Variants in PCDHA5 observed in about 807,000 individuals in gnomAD.
The protein encoded by PCDHA5 is protocadherin alpha-5.
Under a neutral mutation model 61.6 loss-of-function variants are expected in PCDHA5, and 43 were observed. That is an observed-to-expected ratio of 0.70 (90% CI 0.55 to 0.90). The LOEUF (loss-of-function observed/expected upper bound fraction) is 0.90. PCDHA5 is among the 40% of genes least tolerant of loss of function. PCDHA5 has a pLI of 0.00. For synonymous variants in PCDHA5, 627 were observed against 543.9 expected, an observed-to-expected ratio of 1.15 and a Z score of -2.13; for missense variants, 1,298 against 1,222.7, an observed-to-expected ratio of 1.06 and a Z score of -0.92.
At chr5:140,916,186 G>A (rs1321442931) in intron 1 of PCDHA5, among the ~76,000 whole-genome samples, 3 of 152,160 alleles carry the variant, frequency 2.0e-5, no homozygotes, top group Admixed American at 6.5e-5. Flanking sequence ...CTTCAAGGAA[G>A]TGGGCACCCC....
chr5:140,947,948 T>C (rs2094196051), intron 1 of PCDHA5, among the ~76,000 whole-genome samples: 1 of 151,586 alleles, frequency 6.6e-6, no homozygotes, highest in South Asian at 2.1e-4. Context: ...AAGTGTTCCA[T>C]ATTTTACAAT....
chr5:140,998,855 C>T (rs544471391), intron 3 of PCDHA5, among the ~76,000 whole-genome samples: 63 of 152,320 alleles, frequency 4.1e-4, no homozygotes, highest in Admixed American at 2.1e-3. Context: ...GAGCCACATG[C>T]CTGGCCTTGT....
intron 1 of PCDHA5, chr5:140,866,167 CAT>C (rs1328596564): frequency 7.9e-5 from 12 of 152,072 alleles, no homozygotes; most frequent in African/African-American, 2.9e-4. Flanking sequence ...AATCGTTTAA[CAT>C]GTAAGAAAAG....
chr5:140,882,262 G>A (rs907928710), intron 1 of PCDHA5: 14 of 1,605,126 alleles, frequency 8.7e-6, no homozygotes, highest in Non-Finnish European at 1.2e-5. Flanking sequence ...GGTTTTTGGA[G>A]TGTACCATGC....
intron 1 of PCDHA5, chr5:140,864,038 C>T (rs541763378): frequency 1.2e-4 from 19 of 153,004 alleles, no homozygotes; most frequent in African/African-American, 4.6e-4. Context: ...CCATCTTAAT[C>T]ACTTTTTACT....
Position 140,937,138 on chromosome 5 carries a change from T to C in PCDHA5, c.2353-41811T>C, listed in dbSNP as rs368450201. On this transcript the variant is annotated intron_variant, in intron 1 of 3. Coordinates refer to ENST00000529859, the MANE Select transcript of PCDHA5 (RefSeq NM_018908.3). ...CTGCAAGCTCCGCCTCCCGGGTTCA[T>C]GCCATTCTCCTGCCTCAGCCTCCCG... is the stretch of plus-strand genomic sequence containing the variant. 1.7e-4 allele frequency among the ~76,000 whole-genome samples: 25 copies of C among 151,290 alleles called. 1 individual carries two copies. In the South Asian group the frequency reaches 2.7e-3, roughly 16 times the overall value.
At chr5:140,965,109 C>T (rs940351305) in intron 1 of PCDHA5, among the ~76,000 whole-genome samples, 3 of 152,168 alleles carry the variant, frequency 2.0e-5, no homozygotes, top group African/African-American at 7.2e-5. Context: ...GAAAATGACC[C>T]ATAGAGGAAG....
At chr5:140,894,193 T>G (rs1481492058) in intron 1 of PCDHA5, among the ~76,000 whole-genome samples, 1 of 152,170 alleles carries the variant, frequency 6.6e-6, no homozygotes, top group Non-Finnish European at 1.5e-5. Context: ...TATATATTTT[T>G]TCTATGCTAT....
chr5:140,926,958 C>G (rs782614627), intron 1 of PCDHA5: 3 of 1,603,116 alleles, frequency 1.9e-6, no homozygotes, highest in Admixed American at 1.7e-5. Context: ...CGGGACAGCT[C>G]GAGTACTCAG....
chr5:140,828,240 A>C (rs2150152921), intron 1 of PCDHA5: 1 of 1,613,948 alleles, frequency 6.2e-7, no homozygotes, highest in South Asian at 1.1e-5. Flanking sequence ...CGGATCGCGC[A>C]GGACCTGGGG....
intron 1 of PCDHA5, chr5:140,883,364 A>T (rs782725621): frequency 6.2e-7 from 1 of 1,614,168 alleles, no homozygotes; most frequent in African/African-American, 1.3e-5. Context: ...CACTCAGCCT[A>T]GCGCCATTAT....
rs1311256758 is a variant in PCDHA5 at position 140,857,805 on chromosome 5, C to A, written c.2352+33678C>A. 13 of 1,597,714 alleles carry A rather than the reference C, an allele frequency of 8.1e-6. 1 individual carries two copies. The highest frequency in any genetic ancestry group is 1.7e-5 in the Admixed American group (1 of 59,256). On this transcript the variant is annotated intron_variant, in intron 1 of 3. Transcript: ENST00000529859. ...GAGCTGGTGCTGCGGTCGGTGGTTG[C>A]GGGTCACGTGGTGGCTAAGGTGCGC... is the stretch of plus-strand genomic sequence containing the variant.
chr5:140,947,347 G>A (rs1554218167), intron 1 of PCDHA5, among the ~76,000 whole-genome samples: 1 of 151,534 alleles, frequency 6.6e-6, no homozygotes, highest in Non-Finnish European at 1.5e-5. Context: ...CTTAATTCTG[G>A]ACTCTATTTC....
At chr5:140,926,964 C>T (rs149218057) in intron 1 of PCDHA5, 1 of 1,606,346 alleles carries the variant, frequency 6.2e-7, no homozygotes, top group Non-Finnish European at 8.5e-7. Flanking sequence ...AGCTCGAGTA[C>T]TCAGTGCCGG....
intron 3 of PCDHA5, among the ~76,000 whole-genome samples, chr5:140,995,850 C>T (rs924455609): frequency 3.9e-5 from 6 of 152,080 alleles, no homozygotes; most frequent in African/African-American, 1.4e-4. Context: ...ACATTTCTAT[C>T]GTATCACTTA....
chr5:140,848,513 A>T, intron 1 of PCDHA5: 2 of 1,590,760 alleles, frequency 1.3e-6, no homozygotes, highest in Non-Finnish European at 1.7e-6. Context: ...ACTCAAGTCG[A>T]GGAGATCCAG....
chr5:140,870,902 C>G (rs2052520790), intron 1 of PCDHA5: 1 of 1,613,846 alleles, frequency 6.2e-7, no homozygotes. Flanking sequence ...GATGCGGACT[C>G]AGGCTACAAC....
chr5:140,957,983 AG>A (rs1554223250), intron 1 of PCDHA5, among the ~76,000 whole-genome samples: 1 of 152,154 alleles, frequency 6.6e-6, no homozygotes, highest in Non-Finnish European at 1.5e-5. Flanking sequence ...AAATAGAATC[AG>A]TGCCAGATTT....
intron 1 of PCDHA5, chr5:140,881,320 A>G (rs186641452): frequency 3.0e-6 from 3 of 983,610 alleles, no homozygotes; most frequent in East Asian, 1.1e-4. Context: ...GTTAAATTCT[A>G]TTTAACCAGG....
Sources: gnomAD v4.1 joint callset for allele counts (sites outside exome capture counted in the v4.1 genomes callset) on GRCh38, gnomAD v4.1.1 for gene constraint, MANE v1.5 for transcripts, NCBI Gene and HGNC (gene_info 2026-07-23, HGNC 2026-07-21) for gene names.